CD109: variants seen among roughly 807,000 people sequenced by gnomAD.
CD109 encodes the protein CD109 molecule.
A neutral mutation model predicts 165.8 loss-of-function variants in CD109; 149 were observed. That is an observed-to-expected ratio of 0.90 (90% CI 0.79 to 1.03). The LOEUF (loss-of-function observed/expected upper bound fraction) is 1.03. CD109 is among the 50% of genes least tolerant of loss of function. The pLI is 0.00. For synonymous variants in CD109, 585 were observed against 592.1 expected (o/e 0.99, Z 0.18); for missense variants, 1,712 against 1,677.8 (o/e 1.02, Z -0.36).
chr6:73,797,834 G>A (rs1268937623), intron 23 of CD109, among the ~76,000 whole-genome samples: 1 of 152,136 alleles, frequency 6.6e-6, no homozygotes, highest in Non-Finnish European at 1.5e-5. Context: ...AAGGGCTCAT[G>A]GGTTTTTATC....
At chr6:73,736,332 A>G in intron 4 of CD109, 51 bp from the exon 5 acceptor site, 2 of 1,599,810 alleles carry the variant, frequency 1.3e-6, no homozygotes, top group South Asian at 1.1e-5. Context: ...GATAGGATAC[A>G]CATGCACATG....
chr6:73,699,130 G>A (rs982510598), intron 2 of CD109, among the ~76,000 whole-genome samples: 2 of 151,992 alleles, frequency 1.3e-5, no homozygotes, highest in African/African-American at 4.8e-5. Context: ...TATGATAGTC[G>A]CTAAAGAAAA....
the CD109 span, among the ~76,000 whole-genome samples, chr6:73,685,010 A>G: frequency 6.9e-4 from 102 of 147,696 alleles, no homozygotes; most frequent in African/African-American, 2.4e-3. Flanking sequence ...TCCACCTCCC[A>G]GGTTCAAGTG....
chr6:73,779,728 T>G (rs939916081), intron 15 of CD109, among the ~76,000 whole-genome samples: 4 of 152,172 alleles, frequency 2.6e-5, no homozygotes, highest in African/African-American at 9.7e-5. Flanking sequence ...TCAGTCCTTT[T>G]GTGTATATAC....
intron 5 of CD109, among the ~76,000 whole-genome samples, chr6:73,746,311 G>T (rs1015440978): frequency 6.6e-6 from 1 of 152,170 alleles, no homozygotes; most frequent in Admixed American, 6.5e-5. Context: ...GGGGAAGGGG[G>T]CACTGAAATG....
At chr6:73,779,542 C>G (rs1774394094) in intron 15 of CD109, among the ~76,000 whole-genome samples, 1 of 152,188 alleles carries the variant, frequency 6.6e-6, no homozygotes, top group South Asian at 2.1e-4. Flanking sequence ...GCCACCGCAC[C>G]TAGCCTCAGA....
rs566457267 is a variant in CD109 at position 73,737,970 on chromosome 6, A to G, written c.633+1462A>G. On this transcript the variant is annotated intron_variant, in intron 5 of 32. Coordinates refer to ENST00000287097, the MANE Select transcript of CD109 (RefSeq NM_133493.5). Reference sequence around the variant, plus strand: ...CATCGATCCTTCTATCCACCCACCCACCCACCAACCCAGTATGTGTTAAGG... The same window carrying G: ...CATCGATCCTTCTATCCACCCACCCGCCCACCAACCCAGTATGTGTTAAGG... 2.6e-5 allele frequency among the ~76,000 whole-genome samples: 4 copies of G among 152,136 alleles called. No homozygotes were observed. The South Asian group carries it at 8.3e-4, about 32-fold the overall frequency.
intron 2 of CD109, among the ~76,000 whole-genome samples, chr6:73,700,706 A>G (rs1771033618): frequency 6.7e-6 from 1 of 149,990 alleles, no homozygotes; most frequent in South Asian, 2.1e-4. Flanking sequence ...TTACATTTCC[A>G]CTTTTATGGC....
intron 10 of CD109, among the ~76,000 whole-genome samples, chr6:73,764,029 A>G (rs1773743010): frequency 6.6e-6 from 1 of 152,226 alleles, no homozygotes; most frequent in Non-Finnish European, 1.5e-5. Flanking sequence ...TATAATGATT[A>G]ATTGTAGTTC....
At chr6:73,739,867 T>C (rs1772700715) in intron 5 of CD109, among the ~76,000 whole-genome samples, 1 of 151,512 alleles carries the variant, frequency 6.6e-6, no homozygotes, top group Non-Finnish European at 1.5e-5. Flanking sequence ...GAAGTATTTT[T>C]TAAATTTTTT....
At chr6:73,770,539 G>A (rs191415461) in intron 14 of CD109, among the ~76,000 whole-genome samples, 100 of 152,332 alleles carry the variant, frequency 6.6e-4, no homozygotes, top group African/African-American at 1.8e-3. Flanking sequence ...GTGGTCAGGA[G>A]TTGGAGACCA....
At chr6:73,816,905 C>A (rs1185875949) in intron 30 of CD109, among the ~76,000 whole-genome samples, 2 of 152,062 alleles carry the variant, frequency 1.3e-5, no homozygotes, top group African/African-American at 4.8e-5. Flanking sequence ...TATAGGGGTT[C>A]ATGTAAGGAT....
At chr6:73,700,595 A>G (rs993701421) in intron 2 of CD109, among the ~76,000 whole-genome samples, 1 of 152,096 alleles carries the variant, frequency 6.6e-6, no homozygotes, top group Non-Finnish European at 1.5e-5. Flanking sequence ...TAATAACTAA[A>G]TTGTTCAAAT....
Position 73,826,809 on chromosome 6 carries a change from T to C in CD109, c.*3176T>C, listed in dbSNP as rs192229689. 97 of 152,064 alleles carry C rather than the reference T, an allele frequency of 6.4e-4. No individual in the cohort carries two copies. Among genetic ancestry groups the C allele is most frequent in the African/African-American group, 2.2e-3 (93 of 41,538 alleles). The allele number at this position is 152,064 out of a possible 1,614,324, so 9.4% of individuals were successfully genotyped here. A position where few individuals can be genotyped will look rare whatever the true frequency, so the allele number is the denominator to read the frequency against. On this transcript the variant is annotated 3_prime_UTR_variant, in exon 33 of 33. Coordinates refer to ENST00000287097, the MANE Select transcript of CD109 (RefSeq NM_133493.5). ...ACGTGGAAATATTCAGAATTGTAGA[T>C]AGCATAACTCTCCCTGCTCCTATTC...
At chr6:73,684,251 G>A in the CD109 span, among the ~76,000 whole-genome samples, 6 of 135,696 alleles carry the variant, frequency 4.4e-5, no homozygotes, top group African/African-American at 1.7e-4. Flanking sequence ...ACAGGGTCTT[G>A]CTCTGTCACC....
In CD109 at chr6:73,806,794, G is replaced by T. The variant is rs75668439; in HGVS notation, c.2961-50G>T. On this transcript the variant is annotated intron_variant, in intron 24 of 32. Coordinates refer to ENST00000287097, the MANE Select transcript of CD109 (RefSeq NM_133493.5). Reference sequence around the variant, plus strand: ...TGTTTTGCTTGCTCGGTGTTATTTGGTGGACCTTATAAAGTGTATTTTATG... The same window carrying T: ...TGTTTTGCTTGCTCGGTGTTATTTGTTGGACCTTATAAAGTGTATTTTATG... The T allele has an allele frequency of 8.3e-4, 1,126 of 1,359,852 alleles. 8 individuals carry two copies. The African/African-American group carries it at 0.015, about 18-fold the overall frequency. The allele number at this position is 1,359,852 out of a possible 1,614,324, so 84.2% of individuals were successfully genotyped here.
chr6:73,696,420 C>A, intron 1 of CD109, 131 bp downstream of exon 1: 1 of 692,476 alleles, frequency 1.4e-6, no homozygotes, highest in Non-Finnish European at 2.1e-6. Flanking sequence ...CGGCTGCAGT[C>A]CCCAGCCTGG....
At chr6:73,777,249 T>C (rs1489255335) in intron 15 of CD109, among the ~76,000 whole-genome samples, 1 of 151,372 alleles carries the variant, frequency 6.6e-6, no homozygotes, top group Admixed American at 6.6e-5. Flanking sequence ...CATGAGCCAC[T>C]GTGCCTGGCC....
chr6:73,823,687 T>C lies in CD109; in HGVS notation c.*54T>C. On this transcript the variant is annotated 3_prime_UTR_variant, in exon 33 of 33. Transcript: ENST00000287097. ...TAACATTTCCAGTAGTCACATGTGA[T>C]TGTTTTGTTTTCGTAGAAGAATACT... is the stretch of plus-strand genomic sequence containing the variant. 2 of 1,481,640 alleles carry C rather than the reference T, an allele frequency of 1.3e-6. No individual in the cohort carries two copies. Among genetic ancestry groups the C allele is most frequent in the Non-Finnish European group, 1.8e-6 (2 of 1,093,614 alleles). The allele number at this position is 1,481,640 out of a possible 1,614,324, so 91.8% of individuals were successfully genotyped here.
Sources: allele counts gnomAD v4.1 joint callset (sites outside exome capture counted in the v4.1 genomes callset), GRCh38; gene constraint gnomAD v4.1.1; transcripts MANE v1.5; gene names NCBI Gene and HGNC (gene_info 2026-07-23, HGNC 2026-07-21).